Variants in PIP5K1B observed in about 807,000 individuals in gnomAD.
The protein encoded by PIP5K1B is phosphatidylinositol-4-phosphate 5-kinase type 1 beta.
Under a neutral mutation model 67.0 loss-of-function variants are expected in PIP5K1B, and 42 were observed. The ratio of observed to expected loss-of-function variants is 0.63; its 90% CI spans 0.49 to 0.81. The LOEUF is 0.81. Among genes scored for constraint, PIP5K1B ranks in the 30% least tolerant of loss-of-function variants. PIP5K1B has a pLI of 0.00. For missense variants in PIP5K1B, 459 were observed against 646.3 expected (o/e 0.71, Z 3.14); for synonymous variants, 214 against 231.4 (o/e 0.92, Z 0.68).
At chr9:68,748,635 GT>G (rs1829452958) in intron 2 of PIP5K1B, among the ~76,000 whole-genome samples, 1 of 34,532 alleles carries the variant, frequency 2.9e-5, no homozygotes. Flanking sequence ...TTTTTTTTTT[GT>G]TTGAGACAGA....
intron 4 of PIP5K1B, among the ~76,000 whole-genome samples, chr9:68,850,277 A>G (rs1003278896): frequency 2.6e-5 from 4 of 152,228 alleles, no homozygotes; most frequent in African/African-American, 9.6e-5. Flanking sequence ...AGAAAATAGT[A>G]ATGTGATGAT....
At chr9:68,897,769 T>C (rs1825161625) in intron 8 of PIP5K1B, among the ~76,000 whole-genome samples, 1 of 152,196 alleles carries the variant, frequency 6.6e-6, no homozygotes, top group Non-Finnish European at 1.5e-5. Flanking sequence ...GTTAAGCCTC[T>C]TAACCTATGG....
chr9:68,888,738 A>G (rs993190293), intron 6 of PIP5K1B, among the ~76,000 whole-genome samples: 3 of 152,194 alleles, frequency 2.0e-5, no homozygotes, highest in Admixed American at 6.5e-5. Context: ...ATTCTATCGC[A>G]TGACTCTGGG....
rs1292942493 is a variant in PIP5K1B, at chr9:68,943,117, C to T, written c.1502+2327C>T. Among the ~76,000 whole-genome samples the T allele has an allele frequency of 3.3e-5, 5 of 152,194 alleles. No individual in the cohort carries two copies. In the East Asian group the frequency reaches 9.6e-4, roughly 29 times the overall value. ...CCACCCTTTAAAAACCAAACAACTTCGCTAAAATACCCAGATTCTTTTGCA... is the reference window on the plus strand; with the variant it reads ...CCACCCTTTAAAAACCAAACAACTTTGCTAAAATACCCAGATTCTTTTGCA... On this transcript the variant is annotated intron_variant, in intron 14 of 15. Coordinates refer to ENST00000265382, the MANE Select transcript of PIP5K1B (RefSeq NM_003558.4).
intron 14 of PIP5K1B, among the ~76,000 whole-genome samples, chr9:68,979,949 T>C (rs1381077432): frequency 2.0e-5 from 3 of 152,138 alleles, no homozygotes; most frequent in Non-Finnish European, 4.4e-5. Context: ...AAGCCTCCTG[T>C]ATGGTGGCAG....
chr9:68,850,337 A>G (rs537250452), intron 4 of PIP5K1B, among the ~76,000 whole-genome samples: 4 of 152,348 alleles, frequency 2.6e-5, no homozygotes, highest in Non-Finnish European at 4.4e-5. Flanking sequence ...ATCCATTACT[A>G]TATCACAAGG....
intron 13 of PIP5K1B, 148 bp downstream of exon 13, chr9:68,935,193 G>T: frequency 1.5e-6 from 1 of 664,334 alleles, no homozygotes; most frequent in South Asian, 2.0e-5. Flanking sequence ...GTGGCCGGGC[G>T]CAGTGGCTCA....
intron 4 of PIP5K1B, among the ~76,000 whole-genome samples, chr9:68,845,599 G>A (rs1357073739): frequency 2.0e-5 from 3 of 152,316 alleles, no homozygotes; most frequent in South Asian, 2.1e-4. Context: ...AGTTTGGAGC[G>A]TGGGAGCTGC....
intron 4 of PIP5K1B, among the ~76,000 whole-genome samples, chr9:68,855,386 C>G (rs1190643798): frequency 2.6e-5 from 4 of 152,182 alleles, no homozygotes; most frequent in Non-Finnish European, 4.4e-5. Flanking sequence ...CATTTATATG[C>G]TAACAACTCT....
At chr9:68,969,367 C>CAAAAA (rs10573153) in intron 14 of PIP5K1B, among the ~76,000 whole-genome samples, 2 of 84,140 alleles carry the variant, frequency 2.4e-5, no homozygotes, top group Non-Finnish European at 5.1e-5. Flanking sequence ...GACTCCACCT[C>CAAAAA]AAAAAAAAAA....
At chr9:68,883,490 G>C (rs1193616145) in intron 6 of PIP5K1B, among the ~76,000 whole-genome samples, 1 of 151,942 alleles carries the variant, frequency 6.6e-6, no homozygotes, top group Admixed American at 6.6e-5. Flanking sequence ...TTCTTTTCTG[G>C]GATAATTTTG....
chr9:68,895,590 A>G (rs1034708217), intron 8 of PIP5K1B, among the ~76,000 whole-genome samples: 2 of 150,534 alleles, frequency 1.3e-5, no homozygotes, highest in Non-Finnish European at 2.9e-5. Context: ...GGTATAAAGT[A>G]GGGAATTTCC....
At chr9:68,832,128 C>CA in intron 4 of PIP5K1B, among the ~76,000 whole-genome samples, 1 of 152,134 alleles carries the variant, frequency 6.6e-6, no homozygotes, top group Non-Finnish European at 1.5e-5. Context: ...AAGTGAAAAA[C>CA]AAAAAAATCC....
At chr9:68,879,994 G>C (rs566745169) in intron 6 of PIP5K1B, among the ~76,000 whole-genome samples, 144 of 152,186 alleles carry the variant, frequency 9.5e-4, no homozygotes, top group African/African-American at 3.1e-3. Flanking sequence ...TTAATCGGAA[G>C]GATTGTGTAC....
At chr9:68,819,737 C>A (rs1833635275) in intron 3 of PIP5K1B, among the ~76,000 whole-genome samples, 3 of 152,164 alleles carry the variant, frequency 2.0e-5, no homozygotes, top group Admixed American at 2.0e-4. Context: ...CATCCCCAAG[C>A]ATCTTATTTG....
chr9:68,782,590 A>G (rs142133645), intron 2 of PIP5K1B: 125 of 167,246 alleles, frequency 7.5e-4, no homozygotes, highest in Admixed American at 4.2e-3. Context: ...AATTTTTACA[A>G]CTATGAGAGT....
intron 14 of PIP5K1B, among the ~76,000 whole-genome samples, chr9:68,943,870 T>C (rs1397532387): frequency 5.3e-5 from 8 of 152,224 alleles, no homozygotes; most frequent in Admixed American, 5.2e-4. Flanking sequence ...ATCCTTAAGT[T>C]GGCAAGGTAT....
intron 15 of PIP5K1B, among the ~76,000 whole-genome samples, chr9:69,006,229 T>G (rs1831069203): frequency 6.6e-6 from 1 of 152,036 alleles, no homozygotes; most frequent in African/African-American, 2.4e-5. Context: ...AAAACTGGCT[T>G]CCATGCAGTT....
intron 14 of PIP5K1B, among the ~76,000 whole-genome samples, chr9:68,958,151 G>A (rs953474051): frequency 1.3e-5 from 2 of 152,120 alleles, no homozygotes; most frequent in Non-Finnish European, 2.9e-5. Context: ...GGGATTACAG[G>A]CACGAGCCAT....
Sources: allele counts gnomAD v4.1 joint callset (sites outside exome capture counted in the v4.1 genomes callset), GRCh38; gene constraint gnomAD v4.1.1; transcripts MANE v1.5; gene names NCBI Gene and HGNC (gene_info 2026-07-23, HGNC 2026-07-21).